DYSF: variants seen among roughly 807,000 people sequenced by gnomAD.
The protein encoded by DYSF is dysferlin, also known as dystrophy-associated fer-1-like 1.
Under a neutral mutation model 274.9 loss-of-function variants are expected in DYSF, and 212 were observed. That is an observed-to-expected ratio of 0.77 (90% CI 0.69 to 0.86). The LOEUF is 0.86. DYSF is among the 40% of genes least tolerant of loss of function. The probability of loss-of-function intolerance (pLI) is 0.00; values close to 1 mark genes in which losing one functional copy is unlikely to be tolerated. For synonymous variants in DYSF, 1,091 were observed against 1,078.7 expected (o/e 1.01, Z -0.22); for missense variants, 2,666 against 2,783.2 (o/e 0.96, Z 0.95).
At chr2:71,479,609 C>G (rs62143767) in intron 1 of DYSF, among the ~76,000 whole-genome samples, 50,498 of 152,092 alleles carry the variant, frequency 0.33, 8,715 homozygotes, top group Non-Finnish European at 0.39. Flanking sequence ...GGAGGAGGGT[C>G]TCCTTGTGCG....
chr2:71,503,659 C>T (rs2085207965), intron 4 of DYSF, among the ~76,000 whole-genome samples: 1 of 152,162 alleles, frequency 6.6e-6, no homozygotes, highest in South Asian at 2.1e-4. Context: ...CCTGGCAGAC[C>T]TCCCCTCCTC....
chr2:71,521,573 G>A (rs1254512905), intron 12 of DYSF, among the ~76,000 whole-genome samples: 2 of 152,204 alleles, frequency 1.3e-5, no homozygotes, highest in Non-Finnish European at 1.5e-5. Context: ...AGTGCTGAAG[G>A]TCAGGGGTGA....
rs1402635587 is a variant in DYSF, at chr2:71,615,625, C to T, written c.4464+2215C>T. On this transcript the variant is annotated intron_variant, in intron 40 of 55. Transcript: ENST00000410020. This position sits in a 1 kb window ranked among gnomAD's most constrained non-coding sequence, Gnocchi z 4.9. ...TGATCCAGGAAATCTTTCACTCACT[C>T]GCCTCTCCTCCCTGTCCCTGGCACT... Among the ~76,000 whole-genome samples, 5 of 152,174 alleles carry T rather than the reference C, an allele frequency of 3.3e-5. No homozygotes were observed. Among genetic ancestry groups the T allele is most frequent in the Admixed American group, 1.3e-4 (2 of 15,280 alleles).
At chr2:71,580,727 G>T (rs1209993403) in intron 30 of DYSF, among the ~76,000 whole-genome samples, 1 of 152,180 alleles carries the variant, frequency 6.6e-6, no homozygotes, top group African/African-American at 2.4e-5. Flanking sequence ...CGGCTTGAGG[G>T]CTGGATCTCC....
chr2:71,546,668 G>A (rs1415362554), intron 17 of DYSF, among the ~76,000 whole-genome samples: 1 of 152,252 alleles, frequency 6.6e-6, no homozygotes, highest in African/African-American at 2.4e-5. Context: ...GGAAACTCAT[G>A]CTCCATAAAT....
At chr2:71,599,180 A>G (rs1444575729) in intron 33 of DYSF, among the ~76,000 whole-genome samples, 4 of 152,176 alleles carry the variant, frequency 2.6e-5, no homozygotes, top group Admixed American at 2.6e-4. Context: ...CCTCCATGTG[A>G]GAGCACGGGT....
At chr2:71,580,820 T>C (rs1451241686) in intron 30 of DYSF, among the ~76,000 whole-genome samples, 1 of 152,216 alleles carries the variant, frequency 6.6e-6, no homozygotes, top group African/African-American at 2.4e-5. Flanking sequence ...GGACCCTGCA[T>C]CTGTCTCGCT....
intron 1 of DYSF, among the ~76,000 whole-genome samples, chr2:71,470,935 G>A (rs1487780669): frequency 1.3e-5 from 2 of 151,674 alleles, no homozygotes; most frequent in Non-Finnish European, 2.9e-5. Context: ...GGGATTACAG[G>A]CACCTGCAAC....
In DYSF at chr2:71,457,387, G is replaced by A. The variant is rs1447284019; in HGVS notation, c.88+3301G>A. The stretch of plus-strand genomic sequence containing the variant: ...GGTAAGTAGTGGGGTTATGATTTGA[G>A]TCTAAGTATCTGGCTCCTGAGCCCC... On this transcript the variant is annotated intron_variant, in intron 1 of 54. Coordinates refer to the DYSF transcript ENST00000258104. 4.6e-5 allele frequency among the ~76,000 whole-genome samples: 7 copies of A among 152,142 alleles called. No individual in the cohort carries two copies. In the East Asian group the frequency reaches 9.6e-4, roughly 21 times the overall value.
At chr2:71,535,154 G>A (rs902015362) in intron 15 of DYSF, 65 bp downstream of exon 15, 9 of 1,605,496 alleles carry the variant, frequency 5.6e-6, no homozygotes, top group Non-Finnish European at 5.1e-6. Context: ...GGAGGTCCAG[G>A]GCTCCTGCCT....
chr2:71,480,856 C>T, intron 1 of DYSF, 27 bp from the exon 2 acceptor site: 1 of 1,609,756 alleles, frequency 6.2e-7, no homozygotes, highest in Non-Finnish European at 8.5e-7. Flanking sequence ...ATGTGTCTCT[C>T]CATTCTCCCT....
At chr2:71,568,965 C>T (rs113891292) in intron 26 of DYSF, among the ~76,000 whole-genome samples, 1,996 of 151,982 alleles carry the variant, frequency 0.013, 34 homozygotes, top group African/African-American at 0.037. Flanking sequence ...CTCCACCTCC[C>T]GGGTTCACGC....
At chr2:71,663,107 C>T (rs904782291) in intron 45 of DYSF, among the ~76,000 whole-genome samples, 28 of 66,000 alleles carry the variant, frequency 4.2e-4, no homozygotes, top group African/African-American at 1.2e-3. Flanking sequence ...CAGTGTTTCT[C>T]CCTTCCTGCT....
chr2:71,487,263 C>T (rs1007554695), intron 3 of DYSF, among the ~76,000 whole-genome samples: 22 of 152,162 alleles, frequency 1.4e-4, no homozygotes, highest in Non-Finnish European at 1.9e-4. Context: ...TTCCACGTGG[C>T]TAGTGGCTAC....
chr2:71,585,720 G>A (rs2093043554), intron 30 of DYSF, among the ~76,000 whole-genome samples: 1 of 152,192 alleles, frequency 6.6e-6, no homozygotes, highest in Non-Finnish European at 1.5e-5. Context: ...GTTCACCAAT[G>A]ATGTGTTGAG....
chr2:71,463,934 T>C (rs887645441), upstream of DYSF, among the ~76,000 whole-genome samples: 11 of 152,128 alleles, frequency 7.2e-5, no homozygotes, highest in Non-Finnish European at 1.6e-4. Context: ...GAATCAAATG[T>C]CCGCCTCATC....
At chr2:71,524,838 C>T (rs2087680492) in intron 12 of DYSF, among the ~76,000 whole-genome samples, 1 of 152,192 alleles carries the variant, frequency 6.6e-6, no homozygotes, top group African/African-American at 2.4e-5. Flanking sequence ...AGTTACAAGC[C>T]CCCTTGCTCT....
chr2:71,662,201 C>T (rs144060277), intron 45 of DYSF, among the ~76,000 whole-genome samples: 7 of 152,346 alleles, frequency 4.6e-5, no homozygotes, highest in East Asian at 1.9e-4. Context: ...ACGAACACAA[C>T]GCATGAGGTG....
In DYSF at chr2:71,551,495, G is replaced by T. The variant is rs1030147675; in HGVS notation, c.1693-112G>T. 11 of 896,492 alleles carry T rather than the reference G, an allele frequency of 1.2e-5. No individual in the cohort carries two copies. The African/African-American group carries it at 1.6e-4, about 13-fold the overall frequency. The allele number at this position is 896,492 out of a possible 1,614,324, so 55.5% of individuals were successfully genotyped here. A position where few individuals can be genotyped will look rare whatever the true frequency, so the allele number is the denominator to read the frequency against. On this transcript the variant is annotated intron_variant, in intron 18 of 55. Transcript: ENST00000410020. ...CTGCAGGGGGGATGAGGTTGGCTGA[G>T]GGACCTCCTGGGTGCCTGAGAGATG...
Sources: allele counts gnomAD v4.1 joint callset (sites outside exome capture counted in the v4.1 genomes callset), GRCh38; gene constraint gnomAD v4.1.1; non-coding constraint Gnocchi (gnomAD v3.1); transcripts MANE v1.5; gene names NCBI Gene and HGNC (gene_info 2026-07-23, HGNC 2026-07-21).